EFHB: variants seen among roughly 807,000 people sequenced by gnomAD.
EFHB encodes EF-hand domain family member B.
In EFHB, 91 loss-of-function variants were observed where a neutral mutation model predicts 87.2. The ratio of observed to expected loss-of-function variants is 1.04; its 90% CI spans 0.88 to 1.24. The LOEUF (loss-of-function observed/expected upper bound fraction) is 1.24. Among genes scored for constraint, EFHB ranks in the 50% most tolerant of loss-of-function variants. The pLI is 0.00. For synonymous variants in EFHB, 325 were observed against 333.6 expected (o/e 0.97, Z 0.28); for missense variants, 1,084 against 998.8 (o/e 1.09, Z -1.15).
At position 19,879,619 on chromosome 3, in the gene EFHB, A is replaced by C; in HGVS notation, c.*12T>G. 1 of 1,541,582 alleles carries C rather than the reference A, an allele frequency of 6.5e-7. No homozygotes were observed. Among genetic ancestry groups the C allele is most frequent in the African/African-American group, 1.4e-5 (1 of 72,236 alleles). On this transcript the variant is annotated 3_prime_UTR_variant, in exon 13 of 13. Transcript: ENST00000295824. ...ATAATTCTTTTGCTTGAATGAATGAAGTCCAAAAATATCACATGAGTGTTT... is the reference window on the plus strand; with the variant it reads ...ATAATTCTTTTGCTTGAATGAATGACGTCCAAAAATATCACATGAGTGTTT...
intron 1 of EFHB, chr3:19,940,935 C>A: frequency 3.0e-6 from 1 of 333,798 alleles, no homozygotes; most frequent in South Asian, 3.4e-5. Flanking sequence ...TAGTATTATG[C>A]TTAATGAGAA....
chr3:19,936,324 T>C, upstream of EFHB: 1 of 515,988 alleles, frequency 1.9e-6, no homozygotes, highest in African/African-American at 2.3e-5. Context: ...CATGCCAGCC[T>C]GGGCGACAGA....
chr3:19,934,072 A>C lies in EFHB; in HGVS notation c.-54T>G. ...CAAGAGCGCTCATCTCTAAGGGGAA[A>C]GCTGTACCTGGCTACAAAGACGCCT... On this transcript the variant is annotated 5_prime_UTR_variant, in exon 1 of 13. Coordinates refer to ENST00000295824, the MANE Select transcript of EFHB (RefSeq NM_144715.4). The C allele has an allele frequency of 1.3e-6, 2 of 1,526,930 alleles. No homozygotes were observed. Among genetic ancestry groups the C allele is most frequent in the Non-Finnish European group, 1.8e-6 (2 of 1,138,544 alleles). 94.6% of individuals were successfully genotyped at this position (1,526,930 alleles called of 1,614,324 possible).
Position 19,888,577 on chromosome 3 carries a change from C to T in EFHB, c.1800G>A (p.Lys600=). ...AGTAGTCAAATAGCTGGTCCAGGAGCTTGTCATCTAAACTCAAGTTGGCCT... is the reference window on the plus strand; with the variant it reads ...AGTAGTCAAATAGCTGGTCCAGGAGTTTGTCATCTAAACTCAAGTTGGCCT... ...CDQANLSLDD[K]LLDQLFDYCD... is the part of the protein sequence containing the mutation. Residue 600 remains lysine, a synonymous_variant, in exon 10 of 13, where the codon AAG becomes AAA. Coordinates refer to ENST00000295824, the MANE Select transcript of EFHB (RefSeq NM_144715.4). 2 of 1,603,950 alleles carry T rather than the reference C, an allele frequency of 1.2e-6. No individual in the cohort carries two copies. Among genetic ancestry groups the T allele is most frequent in the African/African-American group, 2.7e-5 (2 of 74,940 alleles).
intron 1 of EFHB, among the ~76,000 whole-genome samples, chr3:19,931,299 T>C (rs978738695): frequency 2.6e-5 from 4 of 152,240 alleles, no homozygotes; most frequent in African/African-American, 9.7e-5. Context: ...CTCTCTTTCT[T>C]GTCCTATCAC....
In EFHB at chr3:19,896,722, C is replaced by T. The variant is rs1251360618; in HGVS notation, c.1690G>A (p.Asp564Asn). The T allele has an allele frequency of 2.5e-6, 4 of 1,613,886 alleles. No homozygotes were observed. The African/African-American group carries it at 5.3e-5, about 22-fold the overall frequency. Reference protein sequence around the residue: ...HLKKVNYQKFDTLLAAFRHYD... With the variant: ...HLKKVNYQKFNTLLAAFRHYD... ...TGCCTGAAGGCTGCCAGCAAAGTGT[C>T]AAACTTTTGGTAATTAACTTTCTTC... Residue 564 changes from aspartate to asparagine, a missense_variant, in exon 9 of 13, where the codon GAC becomes AAC. Transcript: ENST00000295824.
chr3:19,884,563 T>TTA lies in EFHB; in HGVS notation c.1985_1986insTA (p.Glu662AspfsTer7). 1.2e-6 allele frequency: 2 copies of TTA among 1,614,008 alleles called. No individual in the cohort carries two copies. The highest frequency in any genetic ancestry group is 1.7e-6 in the Non-Finnish European group (2 of 1,179,890). On this transcript the variant is annotated frameshift_variant, in exon 11 of 13. Transcript: ENST00000295824. LOFTEE classifies it high-confidence loss of function. ...CTTCTGGCTTTATGAGGAGAGTTTG[T>TTA]TCAGGTTCTTCAACATTAGCCTCAG...
intron 5 of EFHB, among the ~76,000 whole-genome samples, chr3:19,912,631 AAC>A (rs1695101645): frequency 6.6e-6 from 1 of 152,212 alleles, no homozygotes; most frequent in South Asian, 2.1e-4. Context: ...CTAAACAATC[AAC>A]CAATCAAAAA....
chr3:19,909,431 C>T (rs1274281262), intron 5 of EFHB, among the ~76,000 whole-genome samples: 3 of 152,186 alleles, frequency 2.0e-5, no homozygotes, highest in South Asian at 2.1e-4. Flanking sequence ...CTGCAAACCT[C>T]GCCACCAAGG....
chr3:19,928,660 G>A (rs1695717249), intron 1 of EFHB, among the ~76,000 whole-genome samples: 1 of 152,148 alleles, frequency 6.6e-6, no homozygotes, highest in Non-Finnish European at 1.5e-5. Flanking sequence ...GGCCAGGCTG[G>A]TCTCAAACTC....
At chr3:19,938,170 T>G (rs1575056530), upstream of EFHB, among the ~76,000 whole-genome samples, 1 of 152,228 alleles carries the variant, frequency 6.6e-6, no homozygotes, top group South Asian at 2.1e-4. Context: ...CAAGGCCAAC[T>G]CTGAAAGGAG....
intron 1 of EFHB, among the ~76,000 whole-genome samples, chr3:19,943,689 C>T (rs960802588): frequency 6.6e-6 from 1 of 152,118 alleles, no homozygotes; most frequent in Non-Finnish European, 1.5e-5. Flanking sequence ...GCAAATACTA[C>T]ACCATTTTAC....
intron 9 of EFHB, among the ~76,000 whole-genome samples, chr3:19,892,547 T>C (rs1694338370): frequency 6.6e-6 from 1 of 152,162 alleles, no homozygotes; most frequent in Non-Finnish European, 1.5e-5. Flanking sequence ...GCCAGTAGGG[T>C]TGGTCCGCCC....
intron 9 of EFHB, among the ~76,000 whole-genome samples, chr3:19,895,247 C>T (rs538956153): frequency 4.0e-5 from 6 of 151,438 alleles, no homozygotes; most frequent in Non-Finnish European, 7.4e-5. Context: ...TTTGGGAGGC[C>T]GAGGCGGGTG....
At position 19,946,480 on chromosome 3, in the gene EFHB, G is replaced by A. The variant is rs572297673; in HGVS notation, c.-32+439C>T. Among the ~76,000 whole-genome samples, 6 of 152,326 alleles carry A rather than the reference G, an allele frequency of 3.9e-5. No individual in the cohort carries two copies. The South Asian group carries it at 1.2e-3, about 32-fold the overall frequency. The stretch of plus-strand genomic sequence containing the variant: ...AGCGAAGGGAAATTCTGAATAAAAG[G>A]CAGACACTATTTTAGGATTTGGCCT... On this transcript the variant is annotated intron_variant, in intron 1 of 14. Coordinates refer to the EFHB transcript ENST00000344838.
At chr3:19,927,293 T>C (rs542210401) in intron 1 of EFHB, among the ~76,000 whole-genome samples, 82 of 152,340 alleles carry the variant, frequency 5.4e-4, no homozygotes, top group African/African-American at 1.9e-3. Flanking sequence ...ACAGTGTTTT[T>C]CAAAAGTCAA....
rs527544927 is a variant in EFHB at position 19,934,151 on chromosome 3, C to T, written c.-133G>A. 5.5e-6 allele frequency: 8 copies of T among 1,447,822 alleles called. No individual in the cohort carries two copies. In the East Asian group the frequency reaches 1.5e-4, roughly 27 times the overall value. The allele number at this position is 1,447,822 out of a possible 1,614,324, so 89.7% of individuals were successfully genotyped here. ...GAAAGAGCACAACCTCACTCGGACT[C>T]CCTGTCCATTGCTTCCTGCCTGCCT... On this transcript the variant is annotated 5_prime_UTR_variant, in exon 1 of 13. Transcript: ENST00000295824.
chr3:19,897,662 G>A (rs1694535357), intron 8 of EFHB, among the ~76,000 whole-genome samples: 1 of 152,170 alleles, frequency 6.6e-6, no homozygotes, highest in Non-Finnish European at 1.5e-5. Context: ...CCACCAGCAT[G>A]AAGCTTGCCC....
At chr3:19,891,615 T>C (rs1315308476) in intron 9 of EFHB, among the ~76,000 whole-genome samples, 1 of 152,130 alleles carries the variant, frequency 6.6e-6, no homozygotes, top group African/African-American at 2.4e-5. Context: ...GCCTACCTAT[T>C]TGGTTGGCCA....
Sources: allele counts gnomAD v4.1 joint callset (sites outside exome capture counted in the v4.1 genomes callset), GRCh38; gene constraint gnomAD v4.1.1; transcripts MANE v1.5; gene names NCBI Gene and HGNC (gene_info 2026-07-23, HGNC 2026-07-21).